Variants in NFATC2 observed in about 807,000 individuals in gnomAD.
NFATC2 encodes nuclear factor of activated T-cells, cytoplasmic 2.
Under a neutral mutation model 87.3 loss-of-function variants are expected in NFATC2, and 22 were observed. The ratio of observed to expected loss-of-function variants is 0.25; its 90% CI spans 0.18 to 0.36. The LOEUF is 0.36. Among genes scored for constraint, NFATC2 ranks in the 10% least tolerant of loss-of-function variants. NFATC2 has a pLI of 1.00. For synonymous variants in NFATC2, 565 were observed against 542.2 expected, an observed-to-expected ratio of 1.04 and a Z score of -0.58; for missense variants, 1,149 against 1,259.1, an observed-to-expected ratio of 0.91 and a Z score of 1.32.
At chr20:51,494,587 C>G (rs3827033) in intron 3 of NFATC2, among the ~76,000 whole-genome samples, 13,820 of 152,050 alleles carry the variant, frequency 0.091, 932 homozygotes, top group African/African-American at 0.19. Context: ...CATCCTGAAT[C>G]CTAGGGCTGA....
chr20:51,405,248 C>A (rs925945809), intron 9 of NFATC2, among the ~76,000 whole-genome samples: 1 of 152,308 alleles, frequency 6.6e-6, no homozygotes, highest in African/African-American at 2.4e-5. Flanking sequence ...AACCCACCCT[C>A]CACCACTAGA....
upstream of NFATC2, among the ~76,000 whole-genome samples, chr20:51,545,701 A>ATGGG (rs2076883637): frequency 6.6e-6 from 1 of 152,046 alleles, no homozygotes; most frequent in African/African-American, 2.4e-5. Flanking sequence ...GGATGAATAG[A>ATGGG]TGGGTGGATG....
chr20:51,391,473 G>GT lies in NFATC2; in HGVS notation c.*45-23_*45-22insA, dbSNP rs369662142. On this transcript the variant is annotated intron_variant, in intron 10 of 10. Coordinates refer to ENST00000371564, the MANE Select transcript of NFATC2 (RefSeq NM_012340.5). ...TTAACTACAAAAGAAAAGAGGAGGG[G>GT]GGGGGAGAGAGAATGGGGCAAGTGA... is the stretch of plus-strand genomic sequence containing the variant. The GT allele has an allele frequency of 3.2e-3, 5,168 of 1,590,484 alleles. 173 individuals carry two copies. In the African/African-American group the frequency reaches 0.055, roughly 17 times the overall value.
In NFATC2 at chr20:51,549,557, T is replaced by C. The variant is rs1283911666; in HGVS notation, c.70+13003A>G. Among the ~76,000 whole-genome samples, 3 of 152,352 alleles carry C rather than the reference T, an allele frequency of 2.0e-5. No homozygotes were observed. The East Asian group carries it at 5.8e-4, about 29-fold the overall frequency. ...AAATGTCTGACCAAGCCTGGAGTGA[T>C]CTTGTGATACATTAAAGAACAACCC... On this transcript the variant is annotated intron_variant, in intron 1 of 10. Coordinates refer to the NFATC2 transcript ENST00000414705.
intron 3 of NFATC2, among the ~76,000 whole-genome samples, chr20:51,488,229 T>C (rs1382030206): frequency 6.6e-6 from 1 of 152,248 alleles, no homozygotes; most frequent in Non-Finnish European, 1.5e-5. Context: ...GGATTATTAA[T>C]ACACATTCCT....
intron 6 of NFATC2, among the ~76,000 whole-genome samples, chr20:51,448,192 G>C (rs1262175243): frequency 1.3e-5 from 2 of 152,198 alleles, no homozygotes; most frequent in East Asian, 1.9e-4. Flanking sequence ...ACAGCGCTAA[G>C]TGCCCCCAAG....
chr20:51,504,929 A>C (rs2076150671), intron 3 of NFATC2, among the ~76,000 whole-genome samples: 1 of 151,984 alleles, frequency 6.6e-6, no homozygotes, highest in South Asian at 2.1e-4. Flanking sequence ...AGGGGAAAAA[A>C]AAGACTAAAA....
chr20:51,555,342 C>G lies in NFATC2; in HGVS notation c.70+7218G>C, dbSNP rs150936090. ...GGTGCGGTGGCTCATGCCTGTAATC[C>G]CAGCACTTTGGGAGGCCGAGTCAGG... On this transcript the variant is annotated intron_variant, in intron 1 of 10. Transcript: ENST00000414705. Among the ~76,000 whole-genome samples, 714 of 152,188 alleles carry G rather than the reference C, an allele frequency of 4.7e-3. 6 individuals carry two copies. Among genetic ancestry groups the G allele is most frequent in the African/African-American group, 0.016 (667 of 41,522 alleles).
At position 51,432,278 on chromosome 20, in the gene NFATC2, G is replaced by T; in HGVS notation, c.2511C>A (p.Phe837Leu). 1 of 1,614,204 alleles carries T rather than the reference G, an allele frequency of 6.2e-7. No homozygotes were observed. The highest frequency in any genetic ancestry group is 2.2e-5 in the East Asian group (1 of 44,876). ...EFQHIMYCEN[F>L]APGTTRPGPP... Reference sequence around the variant, plus strand: ...GGCCAGGTCTGGTGGTGCCTGGTGCGAAATTCTCGCAGTACATGATGTGCT... The same window carrying T: ...GGCCAGGTCTGGTGGTGCCTGGTGCTAAATTCTCGCAGTACATGATGTGCT... Residue 837 changes from phenylalanine (F) to leucine (L), a missense_variant, in exon 9 of 11, where the codon TTC becomes TTA. Physicochemically the swap from Phe to Leu is conservative, Grantham distance 22. This residue lies in a region of NFATC2 where 581 missense variants were observed against 649.7 expected (regional missense o/e 0.89). Coordinates refer to ENST00000371564, the MANE Select transcript of NFATC2 (RefSeq NM_012340.5). The surrounding 1 kb of genome is among the most constrained non-coding windows in gnomAD (Gnocchi z 4.6).
rs34489487 is a variant in NFATC2 at position 51,504,999 on chromosome 20, C to CTTT, written c.1332+11782_1332+11784dup. 9.2e-3 allele frequency among the ~76,000 whole-genome samples: 664 copies of CTTT among 72,528 alleles called. 100 individuals are homozygous for CTTT. Among genetic ancestry groups the CTTT allele is most frequent in the African/African-American group, 0.024 (375 of 15,602 alleles). 47.6% of individuals were successfully genotyped at this position (72,528 alleles called of 152,430 possible). A position where few individuals can be genotyped will look rare whatever the true frequency, so the allele number is the denominator to read the frequency against. ...GGTCATGAAGAGTGCTATCTAGTTC[C>CTTT]TTTTTTTTTTTTTTTTTTTTTTTTT... On this transcript the variant is annotated intron_variant, in intron 3 of 10. Coordinates refer to ENST00000371564, the MANE Select transcript of NFATC2 (RefSeq NM_012340.5).
intron 1 of NFATC2, among the ~76,000 whole-genome samples, chr20:51,533,034 G>A: frequency 6.6e-6 from 1 of 152,188 alleles, no homozygotes; most frequent in Non-Finnish European, 1.5e-5. Flanking sequence ...TGAGTCCCAG[G>A]GCCTGGGTTT....
rs1429395339 is a variant in NFATC2 at position 51,480,965 on chromosome 20, C to G, written c.1333-5305G>C. Among the ~76,000 whole-genome samples, 1 of 152,194 alleles carries G rather than the reference C, an allele frequency of 6.6e-6. No homozygotes were observed. Among genetic ancestry groups the G allele is most frequent in the Non-Finnish European group, 1.5e-5 (1 of 68,028 alleles). Reference sequence around the variant, plus strand: ...TATGGGAAAGCCCAGGCACTAATTGCAGTCTTCTCAGTGGGCTGGCTCAAC... The same window carrying G: ...TATGGGAAAGCCCAGGCACTAATTGGAGTCTTCTCAGTGGGCTGGCTCAAC... On this transcript the variant is annotated intron_variant, in intron 3 of 10. Coordinates refer to ENST00000371564, the MANE Select transcript of NFATC2 (RefSeq NM_012340.5). This position sits in a 1 kb window ranked among gnomAD's most constrained non-coding sequence, Gnocchi z 4.2.
chr20:51,400,751 T>C (rs1987945612), intron 9 of NFATC2, among the ~76,000 whole-genome samples: 1 of 152,126 alleles, frequency 6.6e-6, no homozygotes, highest in Non-Finnish European at 1.5e-5. Context: ...TCCTTCATCC[T>C]CACAGACATC....
chr20:51,498,046 C>A (rs2076018021), intron 3 of NFATC2, among the ~76,000 whole-genome samples: 1 of 152,184 alleles, frequency 6.6e-6, no homozygotes, highest in Non-Finnish European at 1.5e-5. Flanking sequence ...CCTATTCCAT[C>A]AAGTCACGAC....
At chr20:51,448,656 A>G (rs963548547) in intron 6 of NFATC2, among the ~76,000 whole-genome samples, 3 of 152,180 alleles carry the variant, frequency 2.0e-5, no homozygotes, top group Admixed American at 6.5e-5. Flanking sequence ...CGTCTCAAAA[A>G]AAAAGAAAAG....
intron 9 of NFATC2, among the ~76,000 whole-genome samples, chr20:51,421,419 G>A (rs776730103): frequency 2.6e-5 from 4 of 152,178 alleles, no homozygotes; most frequent in Non-Finnish European, 5.9e-5. Flanking sequence ...CGTAATGGGG[G>A]CACAATTCAA....
At chr20:51,406,319 C>T (rs1988557487) in intron 9 of NFATC2, among the ~76,000 whole-genome samples, 1 of 152,178 alleles carries the variant, frequency 6.6e-6, no homozygotes, top group African/African-American at 2.4e-5. Context: ...TTGGGAGACC[C>T]TAGCTTTTAT....
chr20:51,433,084 C>T lies in NFATC2; in HGVS notation c.2033-328G>A, dbSNP rs1435384076. On this transcript the variant is annotated intron_variant, in intron 8 of 10. Transcript: ENST00000371564. The stretch of plus-strand genomic sequence containing the variant: ...GGAGAATGCTTGATTTCAGATGATG[C>T]CTCCCCCTCTTTCTATCCCAGCAGC... 2.6e-5 allele frequency among the ~76,000 whole-genome samples: 4 copies of T among 152,034 alleles called. No homozygotes were observed. In the East Asian group the frequency reaches 7.7e-4, roughly 29 times the overall value.
chr20:51,549,540 G>T (rs909394090), intron 1 of NFATC2, among the ~76,000 whole-genome samples: 2 of 152,230 alleles, frequency 1.3e-5, no homozygotes, highest in East Asian at 1.9e-4. Flanking sequence ...ATAAATGTCT[G>T]ACCAAGCCTG....
Sources: allele counts gnomAD v4.1 joint callset (sites outside exome capture counted in the v4.1 genomes callset), GRCh38; gene constraint gnomAD v4.1.1; regional missense constraint gnomAD v4.1.1; non-coding constraint Gnocchi (gnomAD v3.1); transcripts MANE v1.5; gene names NCBI Gene and HGNC (gene_info 2026-07-23, HGNC 2026-07-21).